ALDH1A1: variants seen among roughly 807,000 people sequenced by gnomAD.
The protein encoded by ALDH1A1 is aldehyde dehydrogenase 1A1.
A neutral mutation model predicts 62.1 loss-of-function variants in ALDH1A1; 19 were observed. That is an observed-to-expected ratio of 0.31 (90% confidence interval 0.21 to 0.45). The LOEUF (loss-of-function observed/expected upper bound fraction) is 0.45, where lower values mean the gene tolerates loss of function less well. Among genes scored for constraint, ALDH1A1 ranks in the 20% least tolerant of loss-of-function variants. The pLI is 1.00. For synonymous variants in ALDH1A1, 231 were observed against 215.9 expected (o/e 1.07, Z -0.61); for missense variants, 521 against 607.1 (o/e 0.86, Z 1.49).
At chr9:72,934,467 C>A (rs927399529) in intron 2 of ALDH1A1, among the ~76,000 whole-genome samples, 1 of 152,152 alleles carries the variant, frequency 6.6e-6, no homozygotes, top group Non-Finnish European at 1.5e-5. Flanking sequence ...TCAAAGTCCT[C>A]CCTGGTTTTC....
At chr9:72,928,138 A>G (rs1238164675) in intron 4 of ALDH1A1, among the ~76,000 whole-genome samples, 13 of 146,984 alleles carry the variant, frequency 8.8e-5, no homozygotes. Flanking sequence ...TGCATGCTCC[A>G]ATTGGATTGG....
At position 72,927,128 on chromosome 9, in the gene ALDH1A1, G is replaced by A. The variant is rs1228316148; in HGVS notation, c.492C>T (p.Gly164=). ...GAGAAAAGCTTACAGGAATGATTTG[G>A]CCACATACACCAATAGGTTCATGTC... The part of the protein sequence containing the change: ...YTRHEPIGVC[G]QIIPWNFPLV... The change falls in exon 5 of 13, where the codon GGC becomes GGT. Residue 164 remains glycine (G), a synonymous_variant. Coordinates refer to ENST00000297785, the MANE Select transcript of ALDH1A1 (RefSeq NM_000689.5). The A allele has an allele frequency of 1.2e-6, 2 of 1,605,820 alleles. No homozygotes were observed. Among genetic ancestry groups the A allele is most frequent in the Middle Eastern group, 1.7e-4 (1 of 6,004 alleles).
intron 9 of ALDH1A1, among the ~76,000 whole-genome samples, chr9:72,916,099 C>T (rs1388172169): frequency 6.6e-6 from 1 of 152,132 alleles, no homozygotes; most frequent in East Asian, 1.9e-4. Context: ...CTGGCCTCTA[C>T]TCACTAGATG....
At chr9:72,923,719 T>A (rs1185073492) in intron 7 of ALDH1A1, 1 of 198,616 alleles carries the variant, frequency 5.0e-6, no homozygotes, top group African/African-American at 2.4e-5. Flanking sequence ...ATGGCCTAAT[T>A]TTCTATTATA....
chr9:72,905,928 A>G (rs770385981), intron 12 of ALDH1A1, 30 bp downstream of exon 12: 2 of 1,517,946 alleles, frequency 1.3e-6, no homozygotes, highest in Non-Finnish European at 9.0e-7. Flanking sequence ...ATAAAAATAA[A>G]TATTTATCTT....
chr9:72,933,193 T>G lies in ALDH1A1; in HGVS notation c.172-2174A>C, dbSNP rs534161373. On this transcript the variant is annotated intron_variant, in intron 2 of 12. Transcript: ENST00000297785. ...TTCCTCTTCATTAGCTGTGTAAACC[T>G]TGAGGCATCTAACCATTCATCCCTC... 1.3e-5 allele frequency among the ~76,000 whole-genome samples: 2 copies of G among 152,320 alleles called. 1 individual carries two copies. Among genetic ancestry groups the G allele is most frequent in the South Asian group, 4.1e-4 (2 of 4,830 alleles).
intron 2 of ALDH1A1, among the ~76,000 whole-genome samples, chr9:72,938,391 A>C (rs1830371515): frequency 6.6e-6 from 1 of 152,066 alleles, no homozygotes; most frequent in Non-Finnish European, 1.5e-5. Flanking sequence ...GAAGTTTTTT[A>C]CTCTCCTCAC....
chr9:72,926,935 C>T (rs762439794), intron 5 of ALDH1A1, 181 bp downstream of exon 5: 56 of 492,836 alleles, frequency 1.1e-4, no homozygotes, highest in Admixed American at 1.7e-4. Flanking sequence ...GATAGGTTTT[C>T]GGACTACCTA....
At chr9:72,933,243 G>A (rs1395609433) in intron 2 of ALDH1A1, among the ~76,000 whole-genome samples, 3 of 152,038 alleles carry the variant, frequency 2.0e-5, no homozygotes, top group Admixed American at 6.6e-5. Context: ...ATAAATATTC[G>A]ACTCTGCAGC....
At chr9:72,941,818 C>T (rs935992418) in intron 1 of ALDH1A1, among the ~76,000 whole-genome samples, 4 of 152,100 alleles carry the variant, frequency 2.6e-5, no homozygotes, top group African/African-American at 4.8e-5. Flanking sequence ...GCATTATTTC[C>T]ATACAAGAAA....
At position 72,924,110 on chromosome 9, in the gene ALDH1A1, A is replaced by G; in HGVS notation, c.656T>C (p.Val219Ala). The G allele has an allele frequency of 6.2e-7, 1 of 1,611,662 alleles. No individual in the cohort carries two copies. The highest frequency in any genetic ancestry group is 8.5e-7 in the Non-Finnish European group (1 of 1,178,772). Residue 219 changes from valine (V) to alanine (A), a missense_variant, in exon 7 of 13, where the codon GTG (valine) becomes GCG (alanine). Physicochemically the swap from Val to Ala is moderately conservative, Grantham distance 64. Transcript: ENST00000297785. ...IKEAGFPPGVVNIVPGYGPTA... is the reference protein window; with the variant it reads ...IKEAGFPPGVANIVPGYGPTA... ...AGGCCCATAACCAGGAACAATATTC[A>G]CTACTCCAGGAGGAAACCCTGCCTA...
intron 1 of ALDH1A1, chr9:72,942,374 G>C: frequency 1.0e-6 from 1 of 985,228 alleles, no homozygotes. Flanking sequence ...CATGCACACT[G>C]TCCCCCAGCC....
intron 8 of ALDH1A1, 105 bp from the exon 9 acceptor site, chr9:72,917,209 G>T: frequency 1.1e-6 from 1 of 887,408 alleles, no homozygotes. Context: ...GAGTTGTGTA[G>T]TCAGACATGG....
At chr9:72,902,832 C>T (rs1334360512) in intron 12 of ALDH1A1, among the ~76,000 whole-genome samples, 1 of 151,922 alleles carries the variant, frequency 6.6e-6, no homozygotes, top group African/African-American at 2.4e-5. Flanking sequence ...CTAAAATCTT[C>T]AATGTACAAA....
rs756725946 is a variant in ALDH1A1, at chr9:72,925,524, G to A, written c.593C>T (p.Thr198Ile). 1 of 1,614,042 alleles carries A rather than the reference G, an allele frequency of 6.2e-7. No individual in the cohort carries two copies. Among genetic ancestry groups the A allele is most frequent in the South Asian group, 1.1e-5 (1 of 91,082 alleles). Reference sequence around the variant, plus strand: ...TGCCACGTGGAGAGCAGTGAGAGGAGTTTGCTCTGCTGGTTTGACAACCAC... The same window carrying A: ...TGCCACGTGGAGAGCAGTGAGAGGAATTTGCTCTGCTGGTTTGACAACCAC... ...NTVVVKPAEQ[T>I]PLTALHVASL... The change falls in exon 6 of 13, where the codon ACT becomes ATT. Residue 198 changes from threonine (T) to isoleucine (I), a missense_variant. By Grantham distance (89) the Thr-to-Ile change is moderately conservative (BLOSUM62 -1). Coordinates refer to ENST00000297785, the MANE Select transcript of ALDH1A1 (RefSeq NM_000689.5).
chr9:72,912,097 A>G lies in ALDH1A1; in HGVS notation c.1061T>C (p.Ile354Thr). 6.2e-7 allele frequency: 1 copy of G among 1,613,538 alleles called. No individual in the cohort carries two copies. The highest frequency in any genetic ancestry group is 1.7e-5 in the Admixed American group (1 of 59,936). ...CTTCCCACTCTCAATGAGGTCAAGT[A>G]TTTTATCATATTGTTCCTTGTCAAT... ...PQIDKEQYDK[I>T]LDLIESGKKE... Residue 354 changes from isoleucine (I) to threonine (T), a missense_variant, in exon 10 of 13, where the codon ATA becomes ACA. Coordinates refer to ENST00000297785, the MANE Select transcript of ALDH1A1 (RefSeq NM_000689.5).
At position 72,925,493 on chromosome 9, in the gene ALDH1A1, T is replaced by A. The variant is rs1023460281; in HGVS notation, c.624A>T (p.Leu208Phe). The A allele has an allele frequency of 1.2e-6, 2 of 1,612,508 alleles. No homozygotes were observed. ...TPLTALHVAS[L>F]IKEAGFPPGV... ...ATTTCGGGAGACTTACCTCTTTTATTAAAGATGCCACGTGGAGAGCAGTGA... is the reference window on the plus strand; with the variant it reads ...ATTTCGGGAGACTTACCTCTTTTATAAAAGATGCCACGTGGAGAGCAGTGA... The change falls in exon 6 of 13, where the codon TTA becomes TTT. Residue 208 changes from leucine to phenylalanine, a missense_variant. Coordinates refer to ENST00000297785, the MANE Select transcript of ALDH1A1 (RefSeq NM_000689.5).
chr9:72,915,929 G>GC (rs1288434506), intron 9 of ALDH1A1, among the ~76,000 whole-genome samples: 1 of 152,172 alleles, frequency 6.6e-6, no homozygotes, highest in East Asian at 1.9e-4. Context: ...TTGACAGCAC[G>GC]CATCAGTGTA....
intron 1 of ALDH1A1, among the ~76,000 whole-genome samples, chr9:72,951,271 G>T (rs1254820477): frequency 6.6e-6 from 1 of 151,800 alleles, no homozygotes; most frequent in Admixed American, 6.6e-5. Flanking sequence ...TGTGTTAAGG[G>T]TTCATTAGGT....
Sources: gnomAD v4.1 joint callset for allele counts (sites outside exome capture counted in the v4.1 genomes callset) on GRCh38, gnomAD v4.1.1 for gene constraint, MANE v1.5 for transcripts, NCBI Gene and HGNC (gene_info 2026-07-23, HGNC 2026-07-21) for gene names.